ATG4C: variants seen among roughly 807,000 people sequenced by gnomAD.
The protein encoded by ATG4C is cysteine protease ATG4C.
Under a neutral mutation model 57.6 loss-of-function variants are expected in ATG4C, and 56 were observed. The observed-to-expected ratio is 0.97, with a 90% CI of 0.78 to 1.21. The LOEUF is 1.21. Ranked by LOEUF, ATG4C falls within the 50% of genes most tolerant of loss-of-function variation. ATG4C has a pLI of 0.00. For missense variants in ATG4C, 595 were observed against 529.8 expected, an observed-to-expected ratio of 1.12 and a Z score of -1.21; for synonymous variants, 157 against 174.1, an observed-to-expected ratio of 0.90 and a Z score of 0.78.
At chr1:62,823,397 C>A (rs2100323687) in intron 6 of ATG4C, among the ~76,000 whole-genome samples, 1 of 152,238 alleles carries the variant, frequency 6.6e-6, no homozygotes, top group East Asian at 1.9e-4. Context: ...ACTTTCATTG[C>A]TTATATTATA....
At position 62,823,641 on chromosome 1, in the gene ATG4C, A is replaced by G. The variant is rs1023773691; in HGVS notation, c.796+2432A>G. ...CATGTTATCTTGGCATATGAAGCAC[A>G]ATGAAGTCCTTTATAATTTGTCCCG... is the stretch of plus-strand genomic sequence containing the variant. On this transcript the variant is annotated intron_variant, in intron 6 of 10. Transcript: ENST00000317868. Among the ~76,000 whole-genome samples, 14 of 152,190 alleles carry G rather than the reference A, an allele frequency of 9.2e-5. 1 individual carries two copies. Among genetic ancestry groups the G allele is most frequent in the Admixed American group, 7.2e-4 (11 of 15,276 alleles).
chr1:62,788,844 T>C (rs963623482), intron 1 of ATG4C, among the ~76,000 whole-genome samples: 2 of 152,138 alleles, frequency 1.3e-5, no homozygotes, highest in East Asian at 1.9e-4. Context: ...GAGTTTCAGA[T>C]TGAAGAGTTG....
At chr1:62,847,138 T>C (rs1666348556) in intron 10 of ATG4C, among the ~76,000 whole-genome samples, 1 of 152,116 alleles carries the variant, frequency 6.6e-6, no homozygotes, top group East Asian at 1.9e-4. Context: ...GATTGTGCCA[T>C]TGCACTCCAG....
chr1:62,827,936 T>G (rs1374649898), intron 6 of ATG4C, among the ~76,000 whole-genome samples: 4 of 152,202 alleles, frequency 2.6e-5, no homozygotes, highest in Non-Finnish European at 4.4e-5. Context: ...TGTGTTAGTT[T>G]GCTAAGGATA....
chr1:62,864,060 T>C lies in ATG4C; in HGVS notation c.1278T>C (p.Tyr426=). 1 of 1,600,686 alleles carries C rather than the reference T, an allele frequency of 6.2e-7. No individual in the cohort carries two copies. The highest frequency in any genetic ancestry group is 8.5e-7 in the Non-Finnish European group (1 of 1,174,488). The part of the protein sequence containing the change: ...FTFVNGHSRD[Y]DFTSTTTNEE... ...TTGTAAATGGTCATTCCAGAGACTATGATTTTACATCTACTACAACCAATG... is the reference window on the plus strand; with the variant it reads ...TTGTAAATGGTCATTCCAGAGACTACGATTTTACATCTACTACAACCAATG... The change falls in exon 11 of 11, where the codon TAT becomes TAC. Residue 426 remains tyrosine, a synonymous_variant. Transcript: ENST00000317868.
At chr1:62,798,817 A>G (rs966908858) in intron 1 of ATG4C, among the ~76,000 whole-genome samples, 12 of 151,700 alleles carry the variant, frequency 7.9e-5, no homozygotes, top group Non-Finnish European at 1.8e-4. Context: ...GCTAATTTTT[A>G]TATTTTTAGT....
chr1:62,802,912 A>G (rs1664730896), intron 1 of ATG4C, among the ~76,000 whole-genome samples: 1 of 152,234 alleles, frequency 6.6e-6, no homozygotes, highest in Non-Finnish European at 1.5e-5. Context: ...AGAGAAATGA[A>G]TGTATCAATA....
chr1:62,816,693 A>G lies in ATG4C; in HGVS notation c.279A>G (p.Glu93=), dbSNP rs1228841870. The G allele has an allele frequency of 1.9e-6, 3 of 1,613,810 alleles. No homozygotes were observed. The African/African-American group carries it at 4.0e-5, about 22-fold the overall frequency. The change falls in exon 4 of 11, where the codon GAA becomes GAG. Residue 93 remains glutamate, a synonymous_variant. Transcript: ENST00000317868. ...FISRIWLTYR[E]EFPQIEGSAL... ...CTAGAATATGGCTGACCTACAGGGA[A>G]GAATTCCCTCAAATAGAAGGCTCAG...
intron 3 of ATG4C, among the ~76,000 whole-genome samples, chr1:62,806,426 T>C (rs1402338921): frequency 6.6e-6 from 1 of 152,088 alleles, no homozygotes; most frequent in Non-Finnish European, 1.5e-5. Flanking sequence ...GATTTATATA[T>C]ATATGTCTGA....
At chr1:62,839,872 G>A (rs2100343636) in intron 9 of ATG4C, among the ~76,000 whole-genome samples, 1 of 151,980 alleles carries the variant, frequency 6.6e-6, no homozygotes, top group Non-Finnish European at 1.5e-5. Context: ...ACATATTGTT[G>A]GATTTGAATC....
chr1:62,847,664 G>T (rs535658630), intron 10 of ATG4C, among the ~76,000 whole-genome samples: 1 of 152,240 alleles, frequency 6.6e-6, no homozygotes, highest in African/African-American at 2.4e-5. Context: ...TTCATGTCTT[G>T]CTTTAAGACT....
At chr1:62,787,107 A>G (rs1664115660) in intron 1 of ATG4C, among the ~76,000 whole-genome samples, 2 of 152,198 alleles carry the variant, frequency 1.3e-5, no homozygotes, top group South Asian at 4.1e-4. Flanking sequence ...AAAGAGGACC[A>G]GGTTTGGGAA....
At chr1:62,794,458 ATGTT>A (rs1447309921) in intron 1 of ATG4C, among the ~76,000 whole-genome samples, 2 of 152,176 alleles carry the variant, frequency 1.3e-5, no homozygotes, top group Non-Finnish European at 2.9e-5. Context: ...AGTCCTAAGA[ATGTT>A]TGTAAGATTT....
At chr1:62,797,373 A>G (rs1252837065) in intron 1 of ATG4C, among the ~76,000 whole-genome samples, 2 of 152,184 alleles carry the variant, frequency 1.3e-5, no homozygotes, top group Admixed American at 6.5e-5. Flanking sequence ...TGGCTGTGCT[A>G]TTCTCTTCCA....
At chr1:62,848,344 C>T (rs888521394) in intron 10 of ATG4C, among the ~76,000 whole-genome samples, 2 of 152,138 alleles carry the variant, frequency 1.3e-5, no homozygotes, top group African/African-American at 4.8e-5. Flanking sequence ...TTCCACAAGG[C>T]ATTGTGTTTT....
In ATG4C at chr1:62,842,489, C is replaced by CG. The variant is rs538950553; in HGVS notation, c.1209+946dup. On this transcript the variant is annotated intron_variant, in intron 10 of 10. Coordinates refer to ENST00000317868, the MANE Select transcript of ATG4C (RefSeq NM_032852.4). ...GCTAATTTTGTAATTTTAGTAGAGA[C>CG]GGGGTTTCTCCATGTTGGTCAGGCT... Among the ~76,000 whole-genome samples, 89 of 151,896 alleles carry CG rather than the reference C, an allele frequency of 5.9e-4. 1 individual carries two copies. The East Asian group carries it at 0.014, about 24-fold the overall frequency.
intron 7 of ATG4C, among the ~76,000 whole-genome samples, chr1:62,829,937 TAGTAA>T (rs1183043909): frequency 6.6e-6 from 1 of 152,122 alleles, no homozygotes; most frequent in East Asian, 1.9e-4. Context: ...TTATGGGATA[TAGTAA>T]TGTTGAAATA....
chr1:62,862,537 G>A (rs530172367), intron 10 of ATG4C, among the ~76,000 whole-genome samples: 1 of 152,020 alleles, frequency 6.6e-6, no homozygotes, highest in Admixed American at 6.5e-5. Flanking sequence ...AATACTCTCT[G>A]CCTCTTATTT....
intron 3 of ATG4C, among the ~76,000 whole-genome samples, chr1:62,811,601 C>CT (rs1665086304): frequency 6.6e-6 from 1 of 152,130 alleles, no homozygotes; most frequent in Admixed American, 6.6e-5. Flanking sequence ...TATCACCTGG[C>CT]TAGCATTTTT....
Sources: allele counts gnomAD v4.1 joint callset (sites outside exome capture counted in the v4.1 genomes callset), GRCh38; gene constraint gnomAD v4.1.1; transcripts MANE v1.5; gene names NCBI Gene and HGNC (gene_info 2026-07-23, HGNC 2026-07-21).